The following PIWIL2 variants were observed in gnomAD, a reference collection of about 807,000 sequenced individuals.
PIWIL2 encodes piwi like RNA-mediated gene silencing 2.
A neutral mutation model predicts 116.5 loss-of-function variants in PIWIL2; 81 were observed. The ratio of observed to expected loss-of-function variants is 0.70; its 90% CI spans 0.58 to 0.84. PIWIL2 has a LOEUF of 0.84. PIWIL2 is among the 40% of genes least tolerant of loss of function. The pLI is 0.00. For missense variants in PIWIL2, 1,272 were observed against 1,212.3 expected (o/e 1.05, Z -0.73); for synonymous variants, 489 against 429.5 (o/e 1.14, Z -1.71).
chr8:22,279,477 G>A lies in PIWIL2; in HGVS notation c.91G>A (p.Ala31Thr), dbSNP rs201164295. Reference protein sequence around the residue: ...AVRMPGCWPQASKPLDPALGR... With the variant: ...AVRMPGCWPQTSKPLDPALGR... ...ACGGATGCCAGGCTGTTGGCCACAAGCTTCTAAACCTTTGGACCCAGCTCT... is the reference window on the plus strand; with the variant it reads ...ACGGATGCCAGGCTGTTGGCCACAAACTTCTAAACCTTTGGACCCAGCTCT... Residue 31 changes from alanine to threonine, a missense_variant, in exon 2 of 23, where the codon GCT (alanine) becomes ACT (threonine). Physicochemically the swap from Ala to Thr is moderately conservative, Grantham distance 58 (BLOSUM62 0). Coordinates refer to ENST00000356766, the MANE Select transcript of PIWIL2 (RefSeq NM_018068.5). 2.2e-5 allele frequency: 36 copies of A among 1,614,062 alleles called. No individual in the cohort carries two copies. The Middle Eastern group carries it at 4.9e-4, about 22-fold the overall frequency.
Position 22,355,290 on chromosome 8 carries a change from G to T in PIWIL2, c.2766-59G>T. The T allele has an allele frequency of 4.5e-6, 7 of 1,558,622 alleles. No individual in the cohort carries two copies. The South Asian group carries it at 7.8e-5, about 17-fold the overall frequency. On this transcript the variant is annotated intron_variant, in intron 22 of 22. Transcript: ENST00000356766. ...ATCCCCGTGACTATTGTATTGTATT[G>T]CATGCCACAAATTGAAGGTGGGGGA...
chr8:22,309,894 A>C (rs938202929), intron 14 of PIWIL2, 67 bp from the exon 15 acceptor site: 15 of 877,966 alleles, frequency 1.7e-5, no homozygotes, highest in Non-Finnish European at 2.9e-5. Context: ...CTTATAGAGC[A>C]GTAGCAGTGT....
At chr8:22,304,924 G>T in intron 12 of PIWIL2, 56 bp downstream of exon 12, 1 of 1,168,260 alleles carries the variant, frequency 8.6e-7, no homozygotes, top group Non-Finnish European at 1.3e-6. Context: ...CCTGTCAGCT[G>T]CTTTTAGCCG....
At chr8:22,276,729 C>T (rs995097395) in intron 1 of PIWIL2, among the ~76,000 whole-genome samples, 6 of 152,046 alleles carry the variant, frequency 3.9e-5, no homozygotes, top group African/African-American at 1.4e-4. Context: ...GGCAAGATCC[C>T]GTCTCTACAA....
Position 22,332,217 on chromosome 8 carries a change from A to G in PIWIL2, c.2403+13942A>G, listed in dbSNP as rs148459348. Among the ~76,000 whole-genome samples, 639 of 152,196 alleles carry G rather than the reference A, an allele frequency of 4.2e-3. 12 individuals carry two copies. The highest frequency in any genetic ancestry group is 0.015 in the African/African-American group (618 of 41,498). On this transcript the variant is annotated intron_variant, in intron 20 of 22. Transcript: ENST00000356766. The stretch of plus-strand genomic sequence containing the variant: ...CTTCTCAGGAGGCTGAGTCACGAGA[A>G]CAGCTTGAACCTGGGAGGCAGGCAG...
At chr8:22,310,170 A>G (rs1831293816) in intron 15 of PIWIL2, 96 bp downstream of exon 15, 4 of 677,304 alleles carry the variant, frequency 5.9e-6, no homozygotes, top group African/African-American at 3.6e-5. Flanking sequence ...TTTTTGAGGG[A>G]AAGTACCAAT....
chr8:22,278,560 C>G (rs1195702942), intron 1 of PIWIL2, among the ~76,000 whole-genome samples: 1 of 152,170 alleles, frequency 6.6e-6, no homozygotes, highest in Non-Finnish European at 1.5e-5. Context: ...ACTCACAGGA[C>G]TGAGTTTTGT....
chr8:22,280,451 A>G (rs1231220953), intron 2 of PIWIL2, among the ~76,000 whole-genome samples: 1 of 152,234 alleles, frequency 6.6e-6, no homozygotes, highest in African/African-American at 2.4e-5. Flanking sequence ...GAGTTAGCAA[A>G]TATAGGGAGA....
intron 20 of PIWIL2, among the ~76,000 whole-genome samples, chr8:22,327,146 G>A (rs1252057716): frequency 6.8e-6 from 1 of 147,078 alleles, no homozygotes; most frequent in Admixed American, 7.0e-5. Context: ...TCCTGTCTCA[G>A]CGTCCTGAGT....
intron 10 of PIWIL2, among the ~76,000 whole-genome samples, chr8:22,302,511 A>G (rs1412941202): frequency 2.0e-5 from 3 of 151,784 alleles, no homozygotes; most frequent in Non-Finnish European, 4.4e-5. Flanking sequence ...AAACTAACCT[A>G]TCCATATTGA....
At chr8:22,279,266 T>C in intron 1 of PIWIL2, 75 bp from the exon 2 acceptor site, 1 of 774,850 alleles carries the variant, frequency 1.3e-6, no homozygotes, top group Non-Finnish European at 2.2e-6. Flanking sequence ...AAAATACTAT[T>C]TTAATGCTTT....
intron 10 of PIWIL2, among the ~76,000 whole-genome samples, chr8:22,300,990 AC>A (rs1831033167): frequency 1.2e-5 from 1 of 83,158 alleles, no homozygotes; most frequent in Admixed American, 1.3e-4. Flanking sequence ...CTTAAAGGTG[AC>A]TTTTTTTTTT....
At chr8:22,290,007 T>C in intron 9 of PIWIL2, 80 bp downstream of exon 9, 1 of 930,056 alleles carries the variant, frequency 1.1e-6, no homozygotes, top group Non-Finnish European at 1.7e-6. Context: ...TTTAGTACTA[T>C]AATGTCAGCA....
At chr8:22,277,104 C>T (rs1177393213) in intron 1 of PIWIL2, among the ~76,000 whole-genome samples, 1 of 151,916 alleles carries the variant, frequency 6.6e-6, no homozygotes, top group Non-Finnish European at 1.5e-5. Context: ...TCACTGCAAC[C>T]TCCGCCTCCT....
At chr8:22,284,617 T>G (rs1434242830) in intron 6 of PIWIL2, among the ~76,000 whole-genome samples, 1 of 152,062 alleles carries the variant, frequency 6.6e-6, no homozygotes, top group Admixed American at 6.6e-5. Flanking sequence ...TAATTTTGTA[T>G]TCTTTTTCTT....
chr8:22,353,378 G>T (rs1255928535), intron 21 of PIWIL2, among the ~76,000 whole-genome samples, 166 bp downstream of exon 21: 1 of 152,158 alleles, frequency 6.6e-6, no homozygotes, highest in Admixed American at 6.5e-5. Context: ...GCCTGGCATG[G>T]TGGCTCACGT....
rs779213257 is a variant in PIWIL2, at chr8:22,281,115, C to T, written c.199-5C>T. On this transcript the variant is annotated splice_polypyrimidine_tract_variant and splice_region_variant and intron_variant, in intron 2 of 22. Coordinates refer to ENST00000356766, the MANE Select transcript of PIWIL2 (RefSeq NM_018068.5). ...CTTAGAACTTTATTCTTTGACTTTC[C>T]ACAGGAGTCTGTGGGTTTGGTCTCC... 1.3e-6 allele frequency: 2 copies of T among 1,596,852 alleles called. No individual in the cohort carries two copies. The highest frequency in any genetic ancestry group is 1.7e-6 in the Non-Finnish European group (2 of 1,170,050).
chr8:22,326,179 G>A (rs1831720238), intron 20 of PIWIL2, among the ~76,000 whole-genome samples: 1 of 151,572 alleles, frequency 6.6e-6, no homozygotes, highest in East Asian at 1.9e-4. Context: ...AGGTTTTACT[G>A]TTGGCCATCA....
At chr8:22,352,230 C>T (rs1367454625) in intron 20 of PIWIL2, among the ~76,000 whole-genome samples, 1 of 152,258 alleles carries the variant, frequency 6.6e-6, no homozygotes, top group Non-Finnish European at 1.5e-5. Context: ...CAGGCGTGAG[C>T]CACCGTGCCT....
Sources: allele counts gnomAD v4.1 joint callset (sites outside exome capture counted in the v4.1 genomes callset), GRCh38; gene constraint gnomAD v4.1.1; transcripts MANE v1.5; gene names NCBI Gene and HGNC (gene_info 2026-07-23, HGNC 2026-07-21).